Variants in MTMR6 observed in about 807,000 individuals in gnomAD.
MTMR6 encodes the protein myotubularin related protein 6, also known as phosphatidylinositol-3,5-bisphosphate 3-phosphatase MTMR6.
Under a neutral mutation model 80.1 loss-of-function variants are expected in MTMR6, and 47 were observed. The observed-to-expected ratio is 0.59, with a 90% CI of 0.46 to 0.75. The LOEUF is 0.75. MTMR6 is among the 30% of genes least tolerant of loss of function. MTMR6 has a pLI of 0.00. For synonymous variants in MTMR6, 254 were observed against 253.0 expected, an observed-to-expected ratio of 1.00 and a Z score of -0.04; for missense variants, 629 against 730.9, an observed-to-expected ratio of 0.86 and a Z score of 1.61.
chr13:25,275,750 A>G (rs1957706576), intron 1 of MTMR6, among the ~76,000 whole-genome samples: 1 of 150,898 alleles, frequency 6.6e-6, no homozygotes. Flanking sequence ...AATCCTAGCT[A>G]CTCGGGAGGC....
chr13:25,249,202 T>G lies in MTMR6; in HGVS notation c.*30A>C, dbSNP rs1957035176. On this transcript the variant is annotated 3_prime_UTR_variant, in exon 14 of 14. Coordinates refer to ENST00000381801, the MANE Select transcript of MTMR6 (RefSeq NM_004685.5). The stretch of plus-strand genomic sequence containing the variant: ...CCTCACAATAATCCTTTTCTTGTAC[T>G]GCAATCATTGCAGAAAAAACTCTAT... The G allele has an allele frequency of 6.2e-7, 1 of 1,603,306 alleles. No individual in the cohort carries two copies. The highest frequency in any genetic ancestry group is 1.7e-5 in the Admixed American group (1 of 59,218).
chr13:25,282,604 C>CT (rs1957877033), intron 1 of MTMR6, among the ~76,000 whole-genome samples: 1 of 146,218 alleles, frequency 6.8e-6, no homozygotes, highest in African/African-American at 2.5e-5. Flanking sequence ...TTTCTTTTTT[C>CT]TTTTTTCTTT....
At chr13:25,260,461 T>C in intron 6 of MTMR6, 1 of 495,718 alleles carries the variant, frequency 2.0e-6, no homozygotes, top group Non-Finnish European at 3.1e-6. Context: ...TCTCTTCTTC[T>C]GGTTTCTAAA....
rs562274054 is a variant in MTMR6 at position 25,276,322 on chromosome 13, A to T, written c.25-2135T>A. Among the ~76,000 whole-genome samples, 12 of 152,318 alleles carry T rather than the reference A, an allele frequency of 7.9e-5. No homozygotes were observed. In the East Asian group the frequency reaches 1.7e-3, roughly 22 times the overall value. Reference sequence around the variant, plus strand: ...ACAAAGTATCAACACTACTCAAGCAAATAATTTGTGTCCACATCATTCAGT... The same window carrying T: ...ACAAAGTATCAACACTACTCAAGCATATAATTTGTGTCCACATCATTCAGT... On this transcript the variant is annotated intron_variant, in intron 1 of 13. Coordinates refer to ENST00000381801, the MANE Select transcript of MTMR6 (RefSeq NM_004685.5).
intron 11 of MTMR6, among the ~76,000 whole-genome samples, chr13:25,252,376 G>A (rs780970274): frequency 1.3e-5 from 2 of 152,346 alleles, no homozygotes; most frequent in East Asian, 1.9e-4. Flanking sequence ...CGTCTGGGCC[G>A]TAGTGGCGAG....
chr13:25,255,215 A>G (rs1382521583), intron 9 of MTMR6, among the ~76,000 whole-genome samples: 2 of 152,238 alleles, frequency 1.3e-5, no homozygotes, highest in East Asian at 3.8e-4. Context: ...AAGGCTATAC[A>G]CTGATGTGGC....
chr13:25,254,609 AAAG>A (rs1957156044), intron 9 of MTMR6, among the ~76,000 whole-genome samples, 175 bp from the exon 10 acceptor site: 1 of 152,234 alleles, frequency 6.6e-6, no homozygotes, highest in African/African-American at 2.4e-5. Flanking sequence ...AGGTGGGGTT[AAAG>A]AAGAATAAAA....
At chr13:25,285,183 T>C (rs1470130448) in intron 1 of MTMR6, among the ~76,000 whole-genome samples, 1 of 152,136 alleles carries the variant, frequency 6.6e-6, no homozygotes, top group Admixed American at 6.5e-5. Flanking sequence ...CAGTGACAAC[T>C]TTCAAAGAGC....
intron 6 of MTMR6, among the ~76,000 whole-genome samples, chr13:25,261,105 C>G (rs978717430): frequency 6.6e-6 from 1 of 151,582 alleles, no homozygotes; most frequent in Non-Finnish European, 1.5e-5. Context: ...GCCAGGAGTT[C>G]GAGACCAGCC....
At chr13:25,255,216 C>T (rs528236150) in intron 9 of MTMR6, among the ~76,000 whole-genome samples, 1 of 152,376 alleles carries the variant, frequency 6.6e-6, no homozygotes, top group Admixed American at 6.5e-5. Context: ...AGGCTATACA[C>T]TGATGTGGCT....
In MTMR6 at chr13:25,274,192, A is replaced by G; in HGVS notation, c.25-5T>C. The G allele has an allele frequency of 6.5e-7, 1 of 1,545,576 alleles. No homozygotes were observed. ...AAGTAATTTTACTTGTTCGACCTAA[A>G]AGAAAAAAAGATATTATTTCTCATT... On this transcript the variant is annotated splice_polypyrimidine_tract_variant and splice_region_variant and intron_variant, in intron 1 of 13. Coordinates refer to ENST00000381801, the MANE Select transcript of MTMR6 (RefSeq NM_004685.5).
At chr13:25,286,299 GC>G (rs1431955986) in intron 1 of MTMR6, among the ~76,000 whole-genome samples, 4 of 152,134 alleles carry the variant, frequency 2.6e-5, no homozygotes, top group Non-Finnish European at 4.4e-5. Flanking sequence ...CCCTAAATGA[GC>G]CGTAATTTTA....
chr13:25,263,930 T>C (rs1334017654), intron 5 of MTMR6, among the ~76,000 whole-genome samples: 1 of 152,014 alleles, frequency 6.6e-6, no homozygotes, highest in Non-Finnish European at 1.5e-5. Flanking sequence ...AATCCCAAGA[T>C]ACAAACCATT....
chr13:25,267,754 A>G, intron 3 of MTMR6, 25 bp downstream of exon 3: 1 of 1,594,366 alleles, frequency 6.3e-7, no homozygotes, highest in East Asian at 2.2e-5. Context: ...TTGAGCATGT[A>G]AGCTTTGGTC....
intron 5 of MTMR6, 132 bp from the exon 6 acceptor site, chr13:25,261,934 C>T: frequency 1.3e-6 from 1 of 785,378 alleles, no homozygotes; most frequent in East Asian, 2.9e-5. Context: ...TTAAGATCCT[C>T]TTTGAATTAA....
At chr13:25,264,088 A>AC (rs1957397649) in intron 5 of MTMR6, among the ~76,000 whole-genome samples, 1 of 152,100 alleles carries the variant, frequency 6.6e-6, no homozygotes. Flanking sequence ...CATGAGAATT[A>AC]TTTTTTTAAA....
chr13:25,265,913 G>T lies in MTMR6; in HGVS notation c.497C>A (p.Pro166His), dbSNP rs1350356028. 6.2e-7 allele frequency: 1 copy of T among 1,613,778 alleles called. No homozygotes were observed. Among genetic ancestry groups the T allele is most frequent in the Non-Finnish European group, 8.5e-7 (1 of 1,179,826 alleles). Residue 166 changes from proline to histidine, a missense_variant, in exon 5 of 14, where the codon CCC (proline) becomes CAC (histidine). Coordinates refer to ENST00000381801, the MANE Select transcript of MTMR6 (RefSeq NM_004685.5). ...AATTATTGGTTTGCTTGCTATCCGG[G>T]GAACATAAAGTTCTCTGGGGTAAGT... ...CETYPRELYV[P>H]RIASKPIIVG...
At chr13:25,283,365 G>GA (rs1160733445) in intron 1 of MTMR6, among the ~76,000 whole-genome samples, 7 of 152,140 alleles carry the variant, frequency 4.6e-5, no homozygotes, top group African/African-American at 1.4e-4. Flanking sequence ...TAGTATTAGT[G>GA]AAAATCAAAA....
rs1275506895 is a variant in MTMR6 at position 25,249,410 on chromosome 13, T to G, written c.1688A>C (p.Asn563Thr). 4 of 1,613,946 alleles carry G rather than the reference T, an allele frequency of 2.5e-6. No individual in the cohort carries two copies. In the African/African-American group the frequency reaches 5.3e-5, roughly 22 times the overall value. The change falls in exon 14 of 14, where the codon AAC (asparagine) becomes ACC (threonine). Residue 563 changes from asparagine (N) to threonine (T), a missense_variant. Coordinates refer to ENST00000381801, the MANE Select transcript of MTMR6 (RefSeq NM_004685.5). ...LLHSVHPESPNLKTSLCFKEQ... is the reference protein window; with the variant it reads ...LLHSVHPESPTLKTSLCFKEQ... ...TTTAAAACACAGGGAAGTTTTGAGG[T>G]TAGGTGATTCAGGATGAACTGAATG...
Sources: allele counts gnomAD v4.1 joint callset (sites outside exome capture counted in the v4.1 genomes callset), GRCh38; gene constraint gnomAD v4.1.1; transcripts MANE v1.5; gene names NCBI Gene and HGNC (gene_info 2026-07-23, HGNC 2026-07-21).